Variants in LRCH3 observed in about 807,000 individuals in gnomAD.
LRCH3 encodes the protein DISP complex protein LRCH3.
Under a neutral mutation model 104.5 loss-of-function variants are expected in LRCH3, and 68 were observed. The observed-to-expected ratio is 0.65, with a 90% CI of 0.54 to 0.80. LRCH3 has a LOEUF of 0.80. LRCH3 is among the 30% of genes least tolerant of loss of function. LRCH3 has a pLI of 0.00. For missense variants in LRCH3, 951 were observed against 953.9 expected, an observed-to-expected ratio of 1.00 and a Z score of 0.04; for synonymous variants, 344 against 361.3, an observed-to-expected ratio of 0.95 and a Z score of 0.54.
intron 15 of LRCH3, among the ~76,000 whole-genome samples, chr3:197,863,793 C>G (rs925270792): frequency 2.0e-5 from 3 of 152,182 alleles, no homozygotes; most frequent in Admixed American, 6.5e-5. Context: ...AACATCTTCT[C>G]TCCTAACCGA....
At chr3:197,834,209 TA>T (rs1396183721) in intron 8 of LRCH3, among the ~76,000 whole-genome samples, 2 of 152,228 alleles carry the variant, frequency 1.3e-5, no homozygotes, top group African/African-American at 4.8e-5. Flanking sequence ...TGTGCCATTT[TA>T]AGTAGTTGTT....
intron 1 of LRCH3, among the ~76,000 whole-genome samples, chr3:197,796,649 C>T (rs1167226617): frequency 6.6e-6 from 1 of 152,092 alleles, no homozygotes; most frequent in Admixed American, 6.6e-5. Context: ...ACAAAAACAA[C>T]CATAGTAAGT....
intron 10 of LRCH3, among the ~76,000 whole-genome samples, chr3:197,844,738 C>G (rs1197845769): frequency 6.6e-6 from 1 of 152,138 alleles, no homozygotes; most frequent in Non-Finnish European, 1.5e-5. Context: ...CTGCCTCAGC[C>G]TTCTGAGTAG....
At chr3:197,866,875 C>T (rs1488998891) in intron 17 of LRCH3, among the ~76,000 whole-genome samples, 2 of 152,086 alleles carry the variant, frequency 1.3e-5, no homozygotes, top group Non-Finnish European at 2.9e-5. Context: ...CGTGGTGGCT[C>T]ACGCCTGTGA....
intron 1 of LRCH3, among the ~76,000 whole-genome samples, chr3:197,797,327 C>CAGA (rs71623379): frequency 1.4e-5 from 1 of 71,538 alleles, no homozygotes; most frequent in Non-Finnish European, 2.4e-5. Context: ...AACTCCATCT[C>CAGA]AAAAAAAAAA....
intron 3 of LRCH3, among the ~76,000 whole-genome samples, chr3:197,818,208 A>C (rs962591063): frequency 2.6e-5 from 4 of 152,170 alleles, no homozygotes; most frequent in Admixed American, 2.6e-4. Flanking sequence ...TGGGAATAAC[A>C]ATTTTCTCAT....
intron 9 of LRCH3, among the ~76,000 whole-genome samples, chr3:197,838,983 A>G (rs1737366797): frequency 6.6e-6 from 1 of 152,164 alleles, no homozygotes; most frequent in African/African-American, 2.4e-5. Context: ...TCCTAAATGG[A>G]AGTCTGTTAG....
intron 18 of LRCH3, 88 bp downstream of exon 18, chr3:197,870,366 TTTTA>T (rs939719380): frequency 8.2e-5 from 106 of 1,300,494 alleles, no homozygotes; most frequent in Non-Finnish European, 1.1e-4. Flanking sequence ...GACACATCAT[TTTTA>T]TTTATTTTTT....
At chr3:197,873,047 A>G (rs1263544464) in intron 19 of LRCH3, among the ~76,000 whole-genome samples, 1 of 152,160 alleles carries the variant, frequency 6.6e-6, no homozygotes, top group Non-Finnish European at 1.5e-5. Flanking sequence ...AAATGCATTC[A>G]GGATAACTGG....
Position 197,882,615 on chromosome 3 carries a change from G to GT in LRCH3, c.2209-925dup, listed in dbSNP as rs575186989. 113 of 961,806 alleles carry GT rather than the reference G, an allele frequency of 1.2e-4. 1 individual carries two copies. In the East Asian group the frequency reaches 7.9e-3, roughly 67 times the overall value. The allele number at this position is 961,806 out of a possible 1,614,324, so 59.6% of individuals were successfully genotyped here. A position where few individuals can be genotyped will look rare whatever the true frequency, so the allele number is the denominator to read the frequency against. On this transcript the variant is annotated intron_variant, in intron 20 of 20. Transcript: ENST00000425562. ...ACCAGAATTCTATATTCTGTTCTTT[G>GT]TAAGAGCAATCTCTTTTCTTTTTGG...
chr3:197,872,802 C>G (rs550675488), intron 19 of LRCH3, among the ~76,000 whole-genome samples: 1 of 149,914 alleles, frequency 6.7e-6, no homozygotes, highest in South Asian at 2.1e-4. Flanking sequence ...TTGCAGTGAG[C>G]TGAGATCGCA....
At chr3:197,802,025 C>T (rs1395658532) in intron 1 of LRCH3, among the ~76,000 whole-genome samples, 1 of 152,176 alleles carries the variant, frequency 6.6e-6, no homozygotes, top group East Asian at 1.9e-4. Flanking sequence ...AACATGGCCC[C>T]CTCCATCCTC....
At chr3:197,845,013 A>C (rs1455285201) in intron 10 of LRCH3, among the ~76,000 whole-genome samples, 1 of 152,198 alleles carries the variant, frequency 6.6e-6, no homozygotes, top group Non-Finnish European at 1.5e-5. Flanking sequence ...GGTGAAAGAA[A>C]GTTTTAGTGA....
At chr3:197,811,181 C>G (rs1236998101) in intron 1 of LRCH3, among the ~76,000 whole-genome samples, 4 of 152,000 alleles carry the variant, frequency 2.6e-5, no homozygotes, top group African/African-American at 9.7e-5. Context: ...TGGGACGCAC[C>G]ATGAACAGTA....
intron 20 of LRCH3, chr3:197,881,416 A>G: frequency 1.0e-6 from 1 of 985,620 alleles, no homozygotes; most frequent in Non-Finnish European, 1.2e-6. Flanking sequence ...GCTGCACACG[A>G]GCAGATGGGC....
rs750518494 is a variant in LRCH3 at position 197,791,495 on chromosome 3, C to A, written c.217C>A (p.Pro73Thr). 1.2e-6 allele frequency: 2 copies of A among 1,600,074 alleles called. No individual in the cohort carries two copies. The highest frequency in any genetic ancestry group is 1.7e-6 in the Non-Finnish European group (2 of 1,175,040). The stretch of plus-strand genomic sequence containing the variant: ...GAGCGGCCGGAAACTGAGGGAGTTT[C>A]CCCGGGGAGCGGCCAACCACGACCT... ...SLSGRKLREF[P>T]RGAANHDLTD... Residue 73 changes from proline to threonine, a missense_variant, in exon 1 of 21, where the codon CCC becomes ACC. Physicochemically the swap from Pro to Thr is conservative, Grantham distance 38. Transcript: ENST00000425562.
Position 197,883,082 on chromosome 3 carries a change from G to T in LRCH3, c.2209-459G>T. 3.0e-6 allele frequency: 3 copies of T among 986,040 alleles called. No homozygotes were observed. Among genetic ancestry groups the T allele is most frequent in the Non-Finnish European group, 3.6e-6 (3 of 830,408 alleles). The allele number at this position is 986,040 out of a possible 1,614,324, so 61.1% of individuals were successfully genotyped here. On this transcript the variant is annotated intron_variant, in intron 20 of 20. Coordinates refer to ENST00000425562, the MANE Select transcript of LRCH3 (RefSeq NM_001365715.1). The surrounding 1 kb of genome is among the most constrained non-coding windows in gnomAD (Gnocchi z 4.2). The stretch of plus-strand genomic sequence containing the variant: ...GTAGAACTCATGCAGGCTGAGTTAT[G>T]TTTTCAAACTATCTTTCATTCTTGT...
At chr3:197,838,509 A>G (rs944494239) in intron 9 of LRCH3, among the ~76,000 whole-genome samples, 3 of 152,148 alleles carry the variant, frequency 2.0e-5, no homozygotes, top group Non-Finnish European at 2.9e-5. Flanking sequence ...CCTTTTTGGG[A>G]AAGTTGTTTT....
At position 197,832,310 on chromosome 3, in the gene LRCH3, C is replaced by G. The variant is rs761724769; in HGVS notation, c.1095C>G (p.Asn365Lys). 6.2e-7 allele frequency: 1 copy of G among 1,612,940 alleles called. No individual in the cohort carries two copies. The highest frequency in any genetic ancestry group is 1.7e-5 in the Admixed American group (1 of 59,952). Residue 365 changes from asparagine (N) to lysine (K), a missense_variant, in exon 8 of 21, where the codon AAC becomes AAG. By Grantham distance (94) the Asn-to-Lys change is moderately conservative. Coordinates refer to ENST00000425562, the MANE Select transcript of LRCH3 (RefSeq NM_001365715.1). ...ACCGCGGCAGTTTGGTAGTAACAAA[C>G]GGCGGAGGTAAACATAATTCCGGTG... ...QENRGSLVVT[N>K]GGVEHDLDQI... is the part of the protein sequence containing the mutation.
Sources: allele counts gnomAD v4.1 joint callset (sites outside exome capture counted in the v4.1 genomes callset), GRCh38; gene constraint gnomAD v4.1.1; non-coding constraint Gnocchi (gnomAD v3.1); transcripts MANE v1.5; gene names NCBI Gene and HGNC (gene_info 2026-07-23, HGNC 2026-07-21).